The following TASP1 variants were observed in gnomAD, a reference collection of about 807,000 sequenced individuals.
TASP1 encodes the protein taspase 1.
TASP1 carries 16 observed loss-of-function variants against 56.6 expected under a neutral mutation model. That is an observed-to-expected ratio of 0.28 (90% CI 0.19 to 0.43). The LOEUF is 0.43. Ranked by LOEUF, TASP1 falls within the 20% of genes least tolerant of loss-of-function variation. The pLI, the probability that TASP1 is intolerant of heterozygous loss-of-function variation, is 1.00. For missense variants in TASP1, 393 were observed against 511.6 expected (o/e 0.77, Z 2.24); for synonymous variants, 179 against 184.2 (o/e 0.97, Z 0.23).
the TASP1 span, among the ~76,000 whole-genome samples, chr20:13,192,958 G>A: frequency 6.6e-6 from 1 of 152,122 alleles, no homozygotes; most frequent in Non-Finnish European, 1.5e-5. Flanking sequence ...GTACAGGAGA[G>A]AAAAATTAGA....
chr20:13,624,095 A>C lies in TASP1; in HGVS notation c.214-581T>G, dbSNP rs372917345. On this transcript the variant is annotated intron_variant, in intron 3 of 13. Coordinates refer to ENST00000337743, the MANE Select transcript of TASP1 (RefSeq NM_017714.3). The stretch of plus-strand genomic sequence containing the variant: ...TCTATAAAATCACCTGGCCTTGAGC[A>C]TAAATTAGGAGAGGAAAAGAGAGAG... 4.2e-4 allele frequency among the ~76,000 whole-genome samples: 64 copies of C among 152,342 alleles called. No homozygotes were observed. In the South Asian group the frequency reaches 9.1e-3, roughly 22 times the overall value.
chr20:13,569,674 A>C, intron 6 of TASP1, 88 bp from the exon 7 acceptor site: 1 of 1,154,240 alleles, frequency 8.7e-7, no homozygotes, highest in South Asian at 1.4e-5. Flanking sequence ...AAGGCAGTTG[A>C]GAAAAAGTCT....
At chr20:13,369,307 G>A in the TASP1 span, among the ~76,000 whole-genome samples, 3 of 152,174 alleles carry the variant, frequency 2.0e-5, no homozygotes, top group Admixed American at 1.3e-4. Context: ...TTAGCTGGGC[G>A]TGGTGGCACA....
intron 10 of TASP1, among the ~76,000 whole-genome samples, chr20:13,516,976 T>C (rs973784886): frequency 6.6e-6 from 1 of 151,826 alleles, no homozygotes; most frequent in Non-Finnish European, 1.5e-5. Flanking sequence ...TTGTTGAGAT[T>C]TGGGGAGAGA....
chr20:13,547,015 A>G (rs1324001232), intron 8 of TASP1, among the ~76,000 whole-genome samples: 2 of 152,232 alleles, frequency 1.3e-5, no homozygotes, highest in African/African-American at 4.8e-5. Context: ...AAAATTTACT[A>G]TTAAGAGGAA....
the TASP1 span, among the ~76,000 whole-genome samples, chr20:13,244,589 G>C: frequency 2.6e-5 from 4 of 152,166 alleles, no homozygotes; most frequent in Admixed American, 2.6e-4. Context: ...TATTTAGCAT[G>C]AAGGCTTATT....
rs535490994 is a variant in TASP1, at chr20:13,585,795, C to T, written c.403+1455G>A. Among the ~76,000 whole-genome samples, 8 of 152,246 alleles carry T rather than the reference C, an allele frequency of 5.3e-5. No individual in the cohort carries two copies. In the East Asian group the frequency reaches 5.8e-4, roughly 11 times the overall value. The stretch of plus-strand genomic sequence containing the variant: ...AACTGCAACAATTACTTTTGAAAAC[C>T]GGCAGTATCTATTAAAACAAAATAT... On this transcript the variant is annotated intron_variant, in intron 5 of 13. Coordinates refer to ENST00000337743, the MANE Select transcript of TASP1 (RefSeq NM_017714.3).
the TASP1 span, among the ~76,000 whole-genome samples, chr20:13,283,599 T>C: frequency 3.3e-5 from 5 of 152,178 alleles, no homozygotes; most frequent in Non-Finnish European, 5.9e-5. Context: ...ATGCTGTGAG[T>C]CAGCTCAACT....
At chr20:13,557,725 T>C (rs1239877132) in intron 8 of TASP1, among the ~76,000 whole-genome samples, 3 of 151,378 alleles carry the variant, frequency 2.0e-5, no homozygotes, top group African/African-American at 7.3e-5. Context: ...AGAGTACAGG[T>C]ATGCACCACC....
Position 13,584,302 on chromosome 20 carries a change from T to A in TASP1, c.403+2948A>T, listed in dbSNP as rs867126893. 3.6e-3 allele frequency among the ~76,000 whole-genome samples: 552 copies of A among 152,046 alleles called. 2 individuals are homozygous for A. The highest frequency in any genetic ancestry group is 0.013 in the African/African-American group (519 of 41,456). On this transcript the variant is annotated intron_variant, in intron 5 of 13. Transcript: ENST00000337743. ...TTGTGCTTATAAATTATGAGAGACT[T>A]TAAGAAATACAAAATACAAAAGCCA...
the TASP1 span, among the ~76,000 whole-genome samples, chr20:13,221,357 C>T: frequency 6.8e-6 from 1 of 148,104 alleles, no homozygotes; most frequent in Non-Finnish European, 1.5e-5. Context: ...CCCATGTGCG[C>T]TCGGGGGCTC....
chr20:13,470,725 C>T (rs1296575938), intron 11 of TASP1, among the ~76,000 whole-genome samples: 1 of 152,162 alleles, frequency 6.6e-6, no homozygotes, highest in African/African-American at 2.4e-5. Flanking sequence ...GATTTGGAGT[C>T]TAAACCATCT....
the TASP1 span, among the ~76,000 whole-genome samples, chr20:13,316,702 G>A: frequency 1.3e-5 from 2 of 151,328 alleles, no homozygotes; most frequent in African/African-American, 4.9e-5. Flanking sequence ...AGAAACAGAT[G>A]CAGAAAAATC....
chr20:13,227,426 A>C, the TASP1 span, among the ~76,000 whole-genome samples: 7 of 150,620 alleles, frequency 4.6e-5, no homozygotes, highest in Non-Finnish European at 8.8e-5. Flanking sequence ...GATGGTCTCA[A>C]TCTCCTGACC....
At chr20:13,528,254 A>G (rs929989173) in intron 10 of TASP1, among the ~76,000 whole-genome samples, 179 bp downstream of exon 10, 2 of 148,124 alleles carry the variant, frequency 1.4e-5, no homozygotes, top group African/African-American at 4.9e-5. Flanking sequence ...AGAAAATGTT[A>G]GCAAAGTATT....
At chr20:13,285,735 T>G in the TASP1 span, among the ~76,000 whole-genome samples, 1 of 152,226 alleles carries the variant, frequency 6.6e-6, no homozygotes, top group Non-Finnish European at 1.5e-5. Flanking sequence ...ATTTTTCACA[T>G]AATCGGACAC....
rs11696301 is a variant in TASP1, at chr20:13,390,174, G to A, written c.*186C>T. 0.012 allele frequency: 6,912 copies of A among 563,848 alleles called. 76 individuals are homozygous for A. Among genetic ancestry groups the A allele is most frequent in the Middle Eastern group, 0.024 (78 of 3,314 alleles). 34.9% of individuals were successfully genotyped at this position (563,848 alleles called of 1,614,324 possible). On this transcript the variant is annotated 3_prime_UTR_variant, in exon 14 of 14. Transcript: ENST00000337743. ...CGCGCACACACTCACACACAGTCCC[G>A]CTCACCCACCAAAGGCCCGCGTGTC...
the TASP1 span, among the ~76,000 whole-genome samples, chr20:13,366,867 T>TACACAC: frequency 0.013 from 1,921 of 150,600 alleles, 18 homozygotes; most frequent in African/African-American, 0.032. Context: ...CTGATTTGAC[T>TACACAC]ACACACACAC....
the TASP1 span, among the ~76,000 whole-genome samples, chr20:13,243,336 G>GACACA: frequency 3.9e-5 from 6 of 152,172 alleles, no homozygotes; most frequent in African/African-American, 1.4e-4. Flanking sequence ...GCTCAGAAGT[G>GACACA]ACACACATCA....
Sources: gnomAD v4.1 joint callset for allele counts (sites outside exome capture counted in the v4.1 genomes callset) on GRCh38, gnomAD v4.1.1 for gene constraint, MANE v1.5 for transcripts, NCBI Gene and HGNC (gene_info 2026-07-23, HGNC 2026-07-21) for gene names.